The following CREB3L2 variants were observed in gnomAD, a reference collection of about 807,000 sequenced individuals.
CREB3L2 encodes cAMP responsive element binding protein 3 like 2.
In CREB3L2, 23 loss-of-function variants were observed where a neutral mutation model predicts 57.2. That is an observed-to-expected ratio of 0.40 (90% confidence interval 0.29 to 0.57). The LOEUF (loss-of-function observed/expected upper bound fraction) is 0.57. Ranked by LOEUF, CREB3L2 falls within the 20% of genes least tolerant of loss-of-function variation. CREB3L2 has a pLI of 0.42. For missense variants in CREB3L2, 628 were observed against 634.7 expected (o/e 0.99, Z 0.11); for synonymous variants, 268 against 265.1 (o/e 1.01, Z -0.11).
chr7:137,907,737 G>A (rs1799922561), intron 5 of CREB3L2, among the ~76,000 whole-genome samples: 1 of 152,098 alleles, frequency 6.6e-6, no homozygotes, highest in Non-Finnish European at 1.5e-5. Flanking sequence ...GATGAACGAG[G>A]GGTCTTGATG....
intron 1 of CREB3L2, among the ~76,000 whole-genome samples, chr7:137,939,241 G>A (rs752857149): frequency 3.3e-5 from 5 of 152,154 alleles, no homozygotes; most frequent in Non-Finnish European, 5.9e-5. Flanking sequence ...CACCATGACT[G>A]TATCTGATCC....
chr7:137,991,827 G>A (rs1444120576), intron 1 of CREB3L2, among the ~76,000 whole-genome samples: 1 of 151,500 alleles, frequency 6.6e-6, no homozygotes, highest in Non-Finnish European at 1.5e-5. Flanking sequence ...AGAATCACTT[G>A]ATCCTGGGAC....
At chr7:137,930,483 G>T (rs771480335) in intron 1 of CREB3L2, among the ~76,000 whole-genome samples, 1 of 152,212 alleles carries the variant, frequency 6.6e-6, no homozygotes, top group Non-Finnish European at 1.5e-5. Flanking sequence ...ACACCAGAAG[G>T]GAAGATGGGA....
chr7:137,976,245 A>C (rs2117308252), intron 1 of CREB3L2, among the ~76,000 whole-genome samples: 1 of 152,302 alleles, frequency 6.6e-6, no homozygotes, highest in East Asian at 1.9e-4. Context: ...GCCACCAGGC[A>C]TGTGCCAAAA....
At chr7:137,884,249 C>CT (rs113133425) in intron 10 of CREB3L2, 5,904 of 110,698 alleles carry the variant, frequency 0.053, 325 homozygotes, top group African/African-American at 0.14. Flanking sequence ...CTTGCTGATT[C>CT]TTTTTTTTTT....
chr7:137,907,776 A>G (rs1344682327), intron 5 of CREB3L2, among the ~76,000 whole-genome samples: 3 of 152,258 alleles, frequency 2.0e-5, no homozygotes, highest in Non-Finnish European at 4.4e-5. Flanking sequence ...GTTAAGAGTC[A>G]TATGACACAC....
At chr7:137,923,367 G>T (rs1274384616) in intron 2 of CREB3L2, among the ~76,000 whole-genome samples, 1 of 152,178 alleles carries the variant, frequency 6.6e-6, no homozygotes, top group African/African-American at 2.4e-5. Flanking sequence ...TAGCAAAATA[G>T]CGTGTATTAC....
In CREB3L2 at chr7:137,980,244, T is replaced by C. The variant is rs1246629962; in HGVS notation, c.102+21360A>G. On this transcript the variant is annotated intron_variant, in intron 1 of 11. Coordinates refer to ENST00000330387, the MANE Select transcript of CREB3L2 (RefSeq NM_194071.4). This position sits in a 1 kb window ranked among gnomAD's most constrained non-coding sequence, Gnocchi z 4.3. ...GCACTGGGAGAGCTTTTAAAATGCC[T>C]GATGCCCAGGCCTCATCCCAGAACC... Among the ~76,000 whole-genome samples, 1 of 152,224 alleles carries C rather than the reference T, an allele frequency of 6.6e-6. No homozygotes were observed. Among genetic ancestry groups the C allele is most frequent in the Non-Finnish European group, 1.5e-5 (1 of 68,032 alleles).
chr7:137,885,309 T>C lies in CREB3L2; in HGVS notation c.1143+94A>G, dbSNP rs973523389. On this transcript the variant is annotated intron_variant, in intron 9 of 11. Coordinates refer to ENST00000330387, the MANE Select transcript of CREB3L2 (RefSeq NM_194071.4). ...TGGAGTTCCTCCATGTGGTTTCTCC[T>C]ACAGCACAGCACTTGGCCTTGGCAA... 6.3e-6 allele frequency: 8 copies of C among 1,261,582 alleles called. 1 individual carries two copies. The highest frequency in any genetic ancestry group is 9.0e-6 in the Non-Finnish European group (8 of 886,334). 78.1% of individuals were successfully genotyped at this position (1,261,582 alleles called of 1,614,324 possible). A position where few individuals can be genotyped will look rare whatever the true frequency, so the allele number is the denominator to read the frequency against.
intron 1 of CREB3L2, among the ~76,000 whole-genome samples, chr7:137,948,209 CA>C (rs2117267777): frequency 6.6e-6 from 1 of 152,346 alleles, no homozygotes; most frequent in East Asian, 1.9e-4. Flanking sequence ...ATGTGTCAGT[CA>C]ATTGTGCTAA....
At chr7:137,956,440 C>T (rs921667563) in intron 1 of CREB3L2, 3 of 376,674 alleles carry the variant, frequency 8.0e-6, no homozygotes, top group African/African-American at 6.3e-5. Context: ...GGTTTCCTCC[C>T]CAGTGCAAGT....
At chr7:137,991,662 T>G (rs1801898533) in intron 1 of CREB3L2, among the ~76,000 whole-genome samples, 9 of 151,944 alleles carry the variant, frequency 5.9e-5, no homozygotes, top group Admixed American at 5.9e-4. Context: ...ATCCCAGCAT[T>G]TTGGGAGGCC....
At chr7:137,926,783 T>C (rs756788520) in intron 2 of CREB3L2, among the ~76,000 whole-genome samples, 1 of 152,114 alleles carries the variant, frequency 6.6e-6, no homozygotes, top group Admixed American at 6.5e-5. Flanking sequence ...GGACTGGGAA[T>C]AGGAAATAGA....
chr7:137,975,595 T>C (rs1480586072), intron 1 of CREB3L2, among the ~76,000 whole-genome samples: 1 of 152,140 alleles, frequency 6.6e-6, no homozygotes, highest in Non-Finnish European at 1.5e-5. Context: ...CCAGGACCCA[T>C]GACTGCATGG....
At chr7:137,996,515 C>T (rs935453374) in intron 1 of CREB3L2, among the ~76,000 whole-genome samples, 65 of 152,222 alleles carry the variant, frequency 4.3e-4, no homozygotes, top group African/African-American at 1.5e-3. Flanking sequence ...CAGAACCTGG[C>T]CTGGGGCCAA....
intron 1 of CREB3L2, among the ~76,000 whole-genome samples, chr7:137,995,331 TTC>T (rs1585684131): frequency 2.5e-5 from 2 of 79,258 alleles, no homozygotes; most frequent in East Asian, 3.3e-4. Flanking sequence ...TTTCTTTTCT[TTC>T]TTTTTTTTTT....
At chr7:137,929,864 A>G (rs1047911353) in intron 1 of CREB3L2, among the ~76,000 whole-genome samples, 81 of 150,192 alleles carry the variant, frequency 5.4e-4, no homozygotes, top group Admixed American at 7.3e-4. Context: ...GCAAGACTCC[A>G]TCTCAAAATA....
In CREB3L2 at chr7:137,879,697, T is replaced by C. The variant is rs920577587; in HGVS notation, c.*779A>G. ...TGGCTAGCTTGAAAGGAGGCATCGA[T>C]CTCTTCAGTGTGGTTGCTAGCAGGA... On this transcript the variant is annotated 3_prime_UTR_variant, in exon 12 of 12. Coordinates refer to ENST00000330387, the MANE Select transcript of CREB3L2 (RefSeq NM_194071.4). The C allele has an allele frequency of 2.1e-5, 5 of 240,338 alleles. No homozygotes were observed. Among genetic ancestry groups the C allele is most frequent in the African/African-American group, 8.8e-5 (4 of 45,312 alleles). 14.9% of individuals were successfully genotyped at this position (240,338 alleles called of 1,614,324 possible).
At position 137,953,569 on chromosome 7, in the gene CREB3L2, G is replaced by T. The variant is rs748843380; in HGVS notation, c.103-25203C>A. 4 of 1,213,696 alleles carry T rather than the reference G, an allele frequency of 3.3e-6. No homozygotes were observed. The African/African-American group carries it at 4.7e-5, about 14-fold the overall frequency. 75.2% of individuals were successfully genotyped at this position (1,213,696 alleles called of 1,614,324 possible). ...AGGGGAGAGTTGGGTGGGTGATGAC[G>T]GTCTCAGAATGTGACTCTAGAGAAA... On this transcript the variant is annotated intron_variant, in intron 1 of 11. Transcript: ENST00000330387.
Sources: gnomAD v4.1 joint callset for allele counts (sites outside exome capture counted in the v4.1 genomes callset) on GRCh38, gnomAD v4.1.1 for gene constraint, Gnocchi (gnomAD v3.1) non-coding constraint, MANE v1.5 for transcripts, NCBI Gene and HGNC (gene_info 2026-07-23, HGNC 2026-07-21) for gene names.